SPRED1: variants seen among roughly 807,000 people sequenced by gnomAD.
SPRED1 encodes sprouty-related, EVH1 domain-containing protein 1.
Under a neutral mutation model 52.3 loss-of-function variants are expected in SPRED1, and 18 were observed. That is an observed-to-expected ratio of 0.34 (90% confidence interval 0.24 to 0.51). The LOEUF is 0.51. SPRED1 is among the 20% of genes least tolerant of loss of function. The pLI is 0.97. For missense variants in SPRED1, 485 were observed against 551.0 expected (o/e 0.88, Z 1.20); for synonymous variants, 155 against 179.7 (o/e 0.86, Z 1.10).
chr15:38,306,599 A>C (rs1299240208), intron 2 of SPRED1, among the ~76,000 whole-genome samples: 1 of 152,172 alleles, frequency 6.6e-6, no homozygotes, highest in African/African-American at 2.4e-5. Flanking sequence ...TTTCCCCAGC[A>C]GTTGTTTTGC....
rs1282306038 is a variant in SPRED1 at position 38,276,209 on chromosome 15, TG to T, written c.32+22993del. ...GTACTAGGAGACATTGTGCTGTGAATGTTTTTTTTTTTTTTTTTTACTGTGG... is the reference window on the plus strand; with the variant it reads ...GTACTAGGAGACATTGTGCTGTGAATTTTTTTTTTTTTTTTTTTACTGTGG... On this transcript the variant is annotated intron_variant, in intron 1 of 6. Coordinates refer to ENST00000299084, the MANE Select transcript of SPRED1 (RefSeq NM_152594.3). Among the ~76,000 whole-genome samples, 61 of 148,958 alleles carry T rather than the reference TG, an allele frequency of 4.1e-4. 1 individual carries two copies. Among genetic ancestry groups the T allele is most frequent in the Admixed American group, 2.4e-3 (36 of 15,052 alleles).
intron 4 of SPRED1, among the ~76,000 whole-genome samples, chr15:38,332,804 T>C (rs1472108667): frequency 2.0e-5 from 3 of 152,192 alleles, no homozygotes; most frequent in African/African-American, 7.2e-5. Flanking sequence ...TTCTAGCTGC[T>C]ACAGCAAAAT....
In SPRED1 at chr15:38,253,098, G is replaced by A; in HGVS notation, c.-88G>A. 2.4e-6 allele frequency: 3 copies of A among 1,227,694 alleles called. No individual in the cohort carries two copies. Among genetic ancestry groups the A allele is most frequent in the Admixed American group, 3.9e-5 (2 of 50,664 alleles). The allele number at this position is 1,227,694 out of a possible 1,614,324, so 76.1% of individuals were successfully genotyped here. The stretch of plus-strand genomic sequence containing the variant: ...CCGCTGCCCCCGCGCCCCCCCGGCC[G>A]CCGCTGCCTCCTGCCCCTCGGTGCT... On this transcript the variant is annotated 5_prime_UTR_variant, in exon 1 of 7. Coordinates refer to ENST00000299084, the MANE Select transcript of SPRED1 (RefSeq NM_152594.3).
intron 1 of SPRED1, among the ~76,000 whole-genome samples, chr15:38,265,269 A>G (rs1894285632): frequency 6.6e-6 from 1 of 152,170 alleles, no homozygotes; most frequent in South Asian, 2.1e-4. Context: ...CAACCTCTGA[A>G]TGTAACCTCT....
intron 1 of SPRED1, among the ~76,000 whole-genome samples, chr15:38,295,887 A>G (rs1413541288): frequency 3.3e-5 from 5 of 149,358 alleles, no homozygotes; most frequent in African/African-American, 1.2e-4. Context: ...GCATGTATGC[A>G]TCTATAGTAC....
At position 38,339,955 on chromosome 15, in the gene SPRED1, C is replaced by T; in HGVS notation, c.582+60C>T. On this transcript the variant is annotated intron_variant, in intron 5 of 6. Transcript: ENST00000299084. The stretch of plus-strand genomic sequence containing the variant: ...TATATGTGTAGAAATTGAATGATGT[C>T]ATAGATAAGGACGTTAAAACCATCT... The T allele has an allele frequency of 5.6e-6, 9 of 1,599,828 alleles. No homozygotes were observed. The South Asian group carries it at 8.8e-5, about 16-fold the overall frequency.
In SPRED1 at chr15:38,261,610, G is replaced by A. The variant is rs115425977; in HGVS notation, c.32+8393G>A. Reference sequence around the variant, plus strand: ...TATTTTTTAGACGGAGTCTTGCTCTGTCTCCCAGGCTGGAGTGCAGTGGCG... The same window carrying A: ...TATTTTTTAGACGGAGTCTTGCTCTATCTCCCAGGCTGGAGTGCAGTGGCG... On this transcript the variant is annotated intron_variant, in intron 1 of 6. Coordinates refer to ENST00000299084, the MANE Select transcript of SPRED1 (RefSeq NM_152594.3). 6.0e-3 allele frequency among the ~76,000 whole-genome samples: 915 copies of A among 152,140 alleles called. 9 individuals carry two copies. Among genetic ancestry groups the A allele is most frequent in the African/African-American group, 0.021 (853 of 41,514 alleles).
chr15:38,283,842 C>T (rs1452532483), intron 1 of SPRED1, among the ~76,000 whole-genome samples: 1 of 152,046 alleles, frequency 6.6e-6, no homozygotes, highest in Non-Finnish European at 1.5e-5. Context: ...ACCAAATATT[C>T]AAAATAGATT....
rs1468506348 is a variant in SPRED1, at chr15:38,356,777, T to TAA, written c.*5113_*5114insAA. 6.6e-6 allele frequency: 1 copy of TAA among 152,078 alleles called. No homozygotes were observed. The highest frequency in any genetic ancestry group is 2.4e-5 in the African/African-American group (1 of 41,434). 9.4% of individuals were successfully genotyped at this position (152,078 alleles called of 1,614,324 possible). The stretch of plus-strand genomic sequence containing the variant: ...TTTATATTCAAGTCAGTTTCATCGT[T>TAA]TTACTTAACTCGCCATATAACCAAA... On this transcript the variant is annotated 3_prime_UTR_variant, in exon 7 of 7. Transcript: ENST00000299084.
At chr15:38,319,410 A>T (rs959502552) in intron 2 of SPRED1, among the ~76,000 whole-genome samples, 1 of 152,058 alleles carries the variant, frequency 6.6e-6, no homozygotes, top group Non-Finnish European at 1.5e-5. Context: ...ACAGAGTTTT[A>T]CTCTTGCTGC....
At chr15:38,298,535 CA>C (rs1321913621) in intron 1 of SPRED1, 5 of 315,586 alleles carry the variant, frequency 1.6e-5, no homozygotes, top group Non-Finnish European at 2.4e-5. Flanking sequence ...TTCTGGTACA[CA>C]AAACAACATG....
chr15:38,296,512 T>C (rs1307243399), intron 1 of SPRED1, among the ~76,000 whole-genome samples: 1 of 152,156 alleles, frequency 6.6e-6, no homozygotes, highest in Non-Finnish European at 1.5e-5. Flanking sequence ...TCTTCGTGTG[T>C]TTGGTCATCT....
chr15:38,325,001 T>A (rs1418520541), intron 4 of SPRED1, among the ~76,000 whole-genome samples, 192 bp downstream of exon 4: 1 of 152,158 alleles, frequency 6.6e-6, no homozygotes, highest in Non-Finnish European at 1.5e-5. Context: ...TGTTCCAAAA[T>A]CTGAAACTTT....
At chr15:38,263,421 A>G (rs370637403) in intron 1 of SPRED1, among the ~76,000 whole-genome samples, 4 of 152,116 alleles carry the variant, frequency 2.6e-5, no homozygotes, top group East Asian at 3.8e-4. Flanking sequence ...CCAGTGGAAA[A>G]TTTCCCATTG....
intron 5 of SPRED1, among the ~76,000 whole-genome samples, chr15:38,345,147 G>A (rs940140379): frequency 6.6e-6 from 1 of 152,192 alleles, no homozygotes; most frequent in Non-Finnish European, 1.5e-5. Context: ...TCAGCTTGCA[G>A]ACCAGACACC....
chr15:38,354,628 C>G lies in SPRED1; in HGVS notation c.*2964C>G, dbSNP rs1270292411. ...TGGTGACCACCTCTACCAGGGAAAC[C>G]AGGAATAAGAACTGTCTCAAAGGAA... On this transcript the variant is annotated 3_prime_UTR_variant, in exon 7 of 7. Coordinates refer to ENST00000299084, the MANE Select transcript of SPRED1 (RefSeq NM_152594.3). The G allele has an allele frequency of 1.3e-5, 2 of 152,258 alleles. No homozygotes were observed. The highest frequency in any genetic ancestry group is 2.9e-5 in the Non-Finnish European group (2 of 68,020). 9.4% of individuals were successfully genotyped at this position (152,258 alleles called of 1,614,324 possible).
intron 1 of SPRED1, among the ~76,000 whole-genome samples, chr15:38,288,612 C>A (rs937844468): frequency 2.0e-5 from 3 of 151,992 alleles, no homozygotes; most frequent in Admixed American, 1.3e-4. Flanking sequence ...CGTCTAGAGC[C>A]CCACGGTAGA....
chr15:38,305,499 C>A (rs1017793842), intron 2 of SPRED1, among the ~76,000 whole-genome samples: 1 of 151,496 alleles, frequency 6.6e-6, no homozygotes, highest in East Asian at 1.9e-4. Flanking sequence ...AGGTAGTATA[C>A]ATTCTAGTGG....
chr15:38,260,774 C>T (rs755717969), intron 1 of SPRED1, among the ~76,000 whole-genome samples: 3 of 152,070 alleles, frequency 2.0e-5, no homozygotes, highest in Non-Finnish European at 4.4e-5. Flanking sequence ...TAAGCTTTAC[C>T]AGGCTGCCAA....
Sources: allele counts gnomAD v4.1 joint callset (sites outside exome capture counted in the v4.1 genomes callset), GRCh38; gene constraint gnomAD v4.1.1; transcripts MANE v1.5; gene names NCBI Gene and HGNC (gene_info 2026-07-23, HGNC 2026-07-21).